EFR3B: variants seen among roughly 807,000 people sequenced by gnomAD.
The protein encoded by EFR3B is protein EFR3 homolog B.
EFR3B carries 64 observed loss-of-function variants against 104.7 expected under a neutral mutation model. The observed-to-expected ratio is 0.61, with a 90% CI of 0.50 to 0.75. The LOEUF (loss-of-function observed/expected upper bound fraction) is 0.75. Ranked by LOEUF, EFR3B falls within the 30% of genes least tolerant of loss-of-function variation. The pLI is 0.00. For missense variants in EFR3B, 750 were observed against 1,078.5 expected, an observed-to-expected ratio of 0.70 and a Z score of 4.27; for synonymous variants, 385 against 417.9, an observed-to-expected ratio of 0.92 and a Z score of 0.96.
At chr2:25,086,775 T>C (rs1429325329) in intron 1 of EFR3B, among the ~76,000 whole-genome samples, 1 of 152,170 alleles carries the variant, frequency 6.6e-6, no homozygotes, top group Non-Finnish European at 1.5e-5. Flanking sequence ...GTATCTTTAG[T>C]AGAGGCAGGA....
chr2:25,107,142 C>T (rs1442185412), intron 4 of EFR3B, among the ~76,000 whole-genome samples: 2 of 152,244 alleles, frequency 1.3e-5, no homozygotes, highest in African/African-American at 2.4e-5. Flanking sequence ...TAATATTCTC[C>T]CTAGAATCTG....
chr2:25,050,698 GA>G (rs1013145945), intron 1 of EFR3B, among the ~76,000 whole-genome samples: 1 of 152,056 alleles, frequency 6.6e-6, no homozygotes, highest in African/African-American at 2.4e-5. Flanking sequence ...TTATTTCAGA[GA>G]AAAAAATGCA....
chr2:25,064,290 A>G (rs981430960), intron 1 of EFR3B, among the ~76,000 whole-genome samples: 5 of 152,232 alleles, frequency 3.3e-5, no homozygotes, highest in African/African-American at 1.2e-4. Flanking sequence ...TTAGCTTTTC[A>G]GAATCTGCAT....
intron 4 of EFR3B, among the ~76,000 whole-genome samples, chr2:25,110,725 A>G (rs745626564): frequency 8.9e-4 from 135 of 152,244 alleles, no homozygotes; most frequent in Non-Finnish European, 1.8e-3. Context: ...CTGCATAACT[A>G]CGAAATGCCA....
intron 1 of EFR3B, among the ~76,000 whole-genome samples, chr2:25,090,853 C>T (rs1669092290): frequency 1.3e-5 from 2 of 152,120 alleles, no homozygotes; most frequent in African/African-American, 2.4e-5. Context: ...TAACACCTGC[C>T]CCCGAAACCT....
intron 5 of EFR3B, among the ~76,000 whole-genome samples, chr2:25,124,465 G>A (rs936538893): frequency 2.6e-5 from 4 of 152,132 alleles, no homozygotes; most frequent in Middle Eastern, 6.8e-3. Flanking sequence ...AGTGGCTCAC[G>A]CCTGTAATCC....
chr2:25,080,340 G>A, intron 1 of EFR3B: 1 of 600,236 alleles, frequency 1.7e-6, no homozygotes, highest in Non-Finnish European at 2.6e-6. Flanking sequence ...TGTCGTCCAG[G>A]CTGGAGTGCA....
intron 4 of EFR3B, among the ~76,000 whole-genome samples, chr2:25,110,727 G>A (rs1236538898): frequency 2.0e-5 from 3 of 152,136 alleles, no homozygotes. Flanking sequence ...GCATAACTAC[G>A]AAATGCCATT....
At chr2:25,043,261 T>C (rs1028929284) in intron 1 of EFR3B, among the ~76,000 whole-genome samples, 6 of 152,062 alleles carry the variant, frequency 3.9e-5, no homozygotes, top group African/African-American at 1.2e-4. Flanking sequence ...AGCAAAATAA[T>C]TGGAGCTGTG....
chr2:25,121,535 C>A, intron 4 of EFR3B, 138 bp from the exon 5 acceptor site: 1 of 1,009,662 alleles, frequency 9.9e-7, no homozygotes, highest in Non-Finnish European at 1.5e-6. Flanking sequence ...CCCCAGTGTG[C>A]TCTGCAAGGC....
chr2:25,117,826 G>A (rs770109303), intron 4 of EFR3B, among the ~76,000 whole-genome samples: 81 of 152,188 alleles, frequency 5.3e-4, no homozygotes, highest in Non-Finnish European at 8.5e-4. Context: ...CATCTAGCCT[G>A]AGGCTAGAGG....
At chr2:25,119,453 C>T (rs1473207431) in intron 4 of EFR3B, among the ~76,000 whole-genome samples, 3 of 152,354 alleles carry the variant, frequency 2.0e-5, no homozygotes, top group Admixed American at 1.3e-4. Flanking sequence ...GGCTTCAGCA[C>T]CTCAAGTCTG....
chr2:25,100,385 C>T (rs777639738), intron 3 of EFR3B, among the ~76,000 whole-genome samples: 3 of 152,148 alleles, frequency 2.0e-5, no homozygotes, highest in Non-Finnish European at 4.4e-5. Flanking sequence ...AGCTTTGCTG[C>T]GATCTTGTAA....
At chr2:25,121,880 C>A (rs1368140468) in intron 5 of EFR3B, 86 bp downstream of exon 5, 2 of 1,518,144 alleles carry the variant, frequency 1.3e-6, no homozygotes, top group Admixed American at 4.0e-5. Flanking sequence ...CCTGCCATTG[C>A]GTGTCTGCTT....
At chr2:25,062,232 G>T (rs1668217520) in intron 1 of EFR3B, among the ~76,000 whole-genome samples, 1 of 152,194 alleles carries the variant, frequency 6.6e-6, no homozygotes, top group African/African-American at 2.4e-5. Flanking sequence ...TTTCAGAAAT[G>T]ATTATGTAAG....
Position 25,121,766 on chromosome 2 carries a change from A to G in EFR3B, c.457A>G (p.Ser153Gly). ...CCGATTCAGTGAAATGTGCCACTCG[A>G]GCCATGATGACTTAGAAATCAAGAC... The part of the protein sequence containing the change: ...VSRFSEMCHS[S>G]HDDLEIKTKI... Residue 153 changes from serine (S) to glycine (G), a missense_variant, in exon 5 of 23, where the codon AGC becomes GGC. Physicochemically the swap from Ser to Gly is moderately conservative, Grantham distance 56. Coordinates refer to ENST00000403714, the MANE Select transcript of EFR3B (RefSeq NM_014971.2). The G allele has an allele frequency of 6.4e-7, 1 of 1,551,772 alleles. No individual in the cohort carries two copies. The highest frequency in any genetic ancestry group is 8.7e-7 in the Non-Finnish European group (1 of 1,147,004).
chr2:25,121,554 C>A, intron 4 of EFR3B, 119 bp from the exon 5 acceptor site: 1 of 1,309,304 alleles, frequency 7.6e-7, no homozygotes, highest in Non-Finnish European at 1.1e-6. Flanking sequence ...GCCGGCCAAG[C>A]TGGCTCCAGG....
Position 25,157,697 on chromosome 2 carries a change from GA to G in EFR3B, c.*3358del, listed in dbSNP as rs1387351862. ...TTAATTTGGTGGAGTCAGGTGAATG[GA>G]TAAGAGGCAGATCGGCAGAAAGCAT... On this transcript the variant is annotated 3_prime_UTR_variant, in exon 23 of 23. Transcript: ENST00000403714. The G allele has an allele frequency of 6.6e-6, 1 of 152,398 alleles. No homozygotes were observed. Among genetic ancestry groups the G allele is most frequent in the Non-Finnish European group, 1.5e-5 (1 of 68,174 alleles). 9.4% of individuals were successfully genotyped at this position (152,398 alleles called of 1,614,324 possible).
intron 1 of EFR3B, among the ~76,000 whole-genome samples, chr2:25,056,976 T>G (rs1427283571): frequency 6.6e-6 from 1 of 152,188 alleles, no homozygotes; most frequent in African/African-American, 2.4e-5. Flanking sequence ...ATCCGTAAAC[T>G]GGGAGAGCTG....
Sources: allele counts gnomAD v4.1 joint callset (sites outside exome capture counted in the v4.1 genomes callset), GRCh38; gene constraint gnomAD v4.1.1; transcripts MANE v1.5; gene names NCBI Gene and HGNC (gene_info 2026-07-23, HGNC 2026-07-21).